Variants in RALGAPA2 observed in about 807,000 individuals in gnomAD.
The protein encoded by RALGAPA2 is ral GTPase-activating protein subunit alpha-2.
In RALGAPA2, 139 loss-of-function variants were observed where a neutral mutation model predicts 230.4. That is an observed-to-expected ratio of 0.60 (90% CI 0.53 to 0.69). The LOEUF (loss-of-function observed/expected upper bound fraction) is 0.69, where lower values mean the gene tolerates loss of function less well. Among genes scored for constraint, RALGAPA2 ranks in the 30% least tolerant of loss-of-function variants. The probability of loss-of-function intolerance (pLI) is 0.00; values close to 1 mark genes in which losing one functional copy is unlikely to be tolerated. For synonymous variants in RALGAPA2, 847 were observed against 837.8 expected, an observed-to-expected ratio of 1.01 and a Z score of -0.19; for missense variants, 2,163 against 2,276.0, an observed-to-expected ratio of 0.95 and a Z score of 1.01.
In RALGAPA2 at chr20:20,570,483, A is replaced by G. The variant is rs894118310; in HGVS notation, c.3156+975T>C. On this transcript the variant is annotated intron_variant, in intron 23 of 39. Transcript: ENST00000202677. ...GTTAATAAATGATTCAAGTTCATTAATAAGTATTTACAATTTAAAGGGTAA... is the reference window on the plus strand; with the variant it reads ...GTTAATAAATGATTCAAGTTCATTAGTAAGTATTTACAATTTAAAGGGTAA... Among the ~76,000 whole-genome samples, 19 of 152,338 alleles carry G rather than the reference A, an allele frequency of 1.2e-4. No individual in the cohort carries two copies. The East Asian group carries it at 1.9e-3, about 15-fold the overall frequency.
At chr20:20,627,736 G>T (rs777400201) in intron 10 of RALGAPA2, among the ~76,000 whole-genome samples, 1 of 152,226 alleles carries the variant, frequency 6.6e-6, no homozygotes, top group African/African-American at 2.4e-5. Flanking sequence ...ATGCTTTCCG[G>T]CTCCTGGTGT....
chr20:20,680,650 T>G, intron 2 of RALGAPA2, 41 bp downstream of exon 2: 2 of 1,495,042 alleles, frequency 1.3e-6, no homozygotes, highest in Non-Finnish European at 1.8e-6. Flanking sequence ...CTTATAAAAA[T>G]GCCCGAATGT....
intron 37 of RALGAPA2, 87 bp downstream of exon 37, chr20:20,472,741 GT>G (rs1230724065): frequency 6.9e-7 from 1 of 1,452,402 alleles, no homozygotes; most frequent in Non-Finnish European, 9.2e-7. Context: ...CTTCAATTCA[GT>G]TTTGAATACT....
intron 1 of RALGAPA2, among the ~76,000 whole-genome samples, chr20:20,703,206 T>C (rs1372411323): frequency 6.6e-6 from 1 of 151,942 alleles, no homozygotes. Flanking sequence ...ATTTTTAAAA[T>C]AGCTGTGGCT....
intron 37 of RALGAPA2, among the ~76,000 whole-genome samples, chr20:20,451,534 C>T (rs1318171824): frequency 6.6e-6 from 1 of 152,180 alleles, no homozygotes; most frequent in Non-Finnish European, 1.5e-5. Context: ...TAGAAACTGC[C>T]TAATCATTTC....
intron 23 of RALGAPA2, among the ~76,000 whole-genome samples, chr20:20,552,265 C>T (rs1251833433): frequency 1.3e-5 from 2 of 152,196 alleles, no homozygotes; most frequent in East Asian, 3.8e-4. Context: ...GCCTTTCCTT[C>T]GTGGACTTGC....
Position 20,511,348 on chromosome 20 carries a change from GA to G in RALGAPA2, c.4857-24del, listed in dbSNP as rs1395755479. The G allele has an allele frequency of 2.0e-6, 3 of 1,535,096 alleles. No homozygotes were observed. In the African/African-American group the frequency reaches 4.2e-5, roughly 21 times the overall value. On this transcript the variant is annotated intron_variant, in intron 32 of 39. Transcript: ENST00000202677. Reference sequence around the variant, plus strand: ...TTCCTATAAAGAAAAAAGGATGGAAGAAAAACCATGTGATTACAGAACCATT... The same window carrying G: ...TTCCTATAAAGAAAAAAGGATGGAAGAAAACCATGTGATTACAGAACCATT...
chr20:20,535,834 C>T (rs2063482993), intron 25 of RALGAPA2, 31 bp from the exon 26 acceptor site: 2 of 1,535,702 alleles, frequency 1.3e-6, no homozygotes, highest in East Asian at 5.0e-5. Flanking sequence ...AAAATAAAAA[C>T]TTTGTGTCAT....
At chr20:20,572,081 C>A in intron 21 of RALGAPA2, 135 bp from the exon 22 acceptor site, 1 of 628,288 alleles carries the variant, frequency 1.6e-6, no homozygotes, top group Middle Eastern at 3.3e-4. Flanking sequence ...TTACAAGTTT[C>A]TCTTTTATTG....
chr20:20,504,013 CA>C (rs2062456511), intron 34 of RALGAPA2, among the ~76,000 whole-genome samples: 2 of 152,166 alleles, frequency 1.3e-5, no homozygotes, highest in South Asian at 4.1e-4. Flanking sequence ...AGTCATAATT[CA>C]AAGTTACGGC....
In RALGAPA2 at chr20:20,620,529, T is replaced by C; in HGVS notation, c.1335A>G (p.Pro445=). The C allele has an allele frequency of 6.2e-7, 1 of 1,613,984 alleles. No homozygotes were observed. Among genetic ancestry groups the C allele is most frequent in the Non-Finnish European group, 8.5e-7 (1 of 1,179,842 alleles). The change falls in exon 11 of 40, where the codon CCA becomes CCG. Residue 445 remains proline (P), a synonymous_variant. Coordinates refer to ENST00000202677, the MANE Select transcript of RALGAPA2 (RefSeq NM_020343.4). ...CTTCTTGGGCAACATCTTTTCTATCTGGCTCCTCCATGAACACAGGTTTGT... is the reference window on the plus strand; with the variant it reads ...CTTCTTGGGCAACATCTTTTCTATCCGGCTCCTCCATGAACACAGGTTTGT... ...LQDKPVFMEE[P]DRKDVAQEDA...
At chr20:20,449,402 G>A (rs2060937984) in intron 37 of RALGAPA2, among the ~76,000 whole-genome samples, 1 of 152,210 alleles carries the variant, frequency 6.6e-6, no homozygotes, top group Non-Finnish European at 1.5e-5. Context: ...GCCTGGCCAT[G>A]GAAATGAAGG....
chr20:20,605,531 G>C (rs2146241494), intron 14 of RALGAPA2, 119 bp from the exon 15 acceptor site: 1 of 814,798 alleles, frequency 1.2e-6, no homozygotes, highest in Non-Finnish European at 1.9e-6. Flanking sequence ...AAGTACTTTT[G>C]GAAGTTGTTT....
At chr20:20,503,652 G>C (rs752364810) in intron 34 of RALGAPA2, 146 bp from the exon 35 acceptor site, 11 of 641,306 alleles carry the variant, frequency 1.7e-5, no homozygotes, top group Non-Finnish European at 2.5e-5. Context: ...TACAAAGTTA[G>C]ACCAGATTAA....
intron 23 of RALGAPA2, among the ~76,000 whole-genome samples, chr20:20,555,729 T>C (rs998977902): frequency 1.1e-4 from 17 of 152,220 alleles, no homozygotes; most frequent in African/African-American, 4.1e-4. Context: ...AAAAATACAG[T>C]TGATTTTTAC....
intron 24 of RALGAPA2, among the ~76,000 whole-genome samples, chr20:20,544,572 T>C (rs1183021533): frequency 6.6e-6 from 1 of 152,140 alleles, no homozygotes; most frequent in Non-Finnish European, 1.5e-5. Context: ...CATGCACATG[T>C]ATGTTTATTG....
Position 20,605,403 on chromosome 20 carries a change from C to G in RALGAPA2, c.1810G>C (p.Val604Leu). 1.9e-6 allele frequency: 3 copies of G among 1,612,856 alleles called. No homozygotes were observed. Among genetic ancestry groups the G allele is most frequent in the Non-Finnish European group, 2.5e-6 (3 of 1,179,022 alleles). ...CAGAGGTTTGCTCGGATCCAAGCTA[C>G]CATGAGCGTCTAAAACCAACCAACC... The part of the protein sequence containing the change: ...LAGLLFRTLM[V>L]AWIRANLCVY... Residue 604 changes from valine (V) to leucine (L), a missense_variant, in exon 15 of 40, where the codon GTA becomes CTA. Val to Leu is a conservative substitution (Grantham distance 32). Transcript: ENST00000202677.
At chr20:20,548,666 A>G (rs2063839287) in intron 23 of RALGAPA2, among the ~76,000 whole-genome samples, 1 of 152,222 alleles carries the variant, frequency 6.6e-6, no homozygotes, top group Admixed American at 6.5e-5. Context: ...AGTCAAGGCA[A>G]ACATTCTAAG....
chr20:20,578,651 A>G (rs906730848), intron 20 of RALGAPA2, among the ~76,000 whole-genome samples: 1 of 152,214 alleles, frequency 6.6e-6, no homozygotes, highest in African/African-American at 2.4e-5. Flanking sequence ...TATATAAGCT[A>G]GGCACAGTGT....
Sources: allele counts gnomAD v4.1 joint callset (sites outside exome capture counted in the v4.1 genomes callset), GRCh38; gene constraint gnomAD v4.1.1; transcripts MANE v1.5; gene names NCBI Gene and HGNC (gene_info 2026-07-23, HGNC 2026-07-21).